ULK2: variants seen among roughly 807,000 people sequenced by gnomAD.
The protein encoded by ULK2 is serine/threonine-protein kinase ULK2.
In ULK2, 76 loss-of-function variants were observed where a neutral mutation model predicts 127.5. That is an observed-to-expected ratio of 0.60 (90% CI 0.50 to 0.72). The LOEUF (loss-of-function observed/expected upper bound fraction) is 0.72. Ranked by LOEUF, ULK2 falls within the 30% of genes least tolerant of loss-of-function variation. The pLI is 0.00. For synonymous variants in ULK2, 452 were observed against 461.9 expected, an observed-to-expected ratio of 0.98 and a Z score of 0.28; for missense variants, 1,144 against 1,295.9, an observed-to-expected ratio of 0.88 and a Z score of 1.80.
At chr17:19,793,489 T>C (rs1567680707) in intron 20 of ULK2, among the ~76,000 whole-genome samples, 1 of 152,184 alleles carries the variant, frequency 6.6e-6, no homozygotes, top group Non-Finnish European at 1.5e-5. Flanking sequence ...ACATCATCCA[T>C]ATGAATTAAG....
intron 20 of ULK2, among the ~76,000 whole-genome samples, chr17:19,787,413 C>A (rs566188002): frequency 6.6e-6 from 1 of 150,720 alleles, no homozygotes; most frequent in South Asian, 2.1e-4. Flanking sequence ...CGGCCTTCCA[C>A]AGTGTTGGGA....
At chr17:19,818,119 G>A (rs977751284) in intron 12 of ULK2, among the ~76,000 whole-genome samples, 13 of 152,048 alleles carry the variant, frequency 8.5e-5, no homozygotes, top group African/African-American at 2.9e-4. Context: ...TCAGGAGATC[G>A]AGACCATCCT....
intron 13 of ULK2, among the ~76,000 whole-genome samples, chr17:19,813,959 G>A (rs905039643): frequency 2.6e-5 from 4 of 152,066 alleles, no homozygotes; most frequent in Non-Finnish European, 5.9e-5. Flanking sequence ...TAAACTATAT[G>A]TGGGGGGAAA....
intron 3 of ULK2, among the ~76,000 whole-genome samples, chr17:19,857,179 C>A (rs1018078079): frequency 6.6e-6 from 1 of 151,090 alleles, no homozygotes; most frequent in Admixed American, 6.6e-5. Context: ...GGTGGCGGGG[C>A]GCCTGTAATC....
intron 20 of ULK2, among the ~76,000 whole-genome samples, chr17:19,789,265 AC>A (rs2152383612): frequency 6.7e-6 from 1 of 149,772 alleles, no homozygotes; most frequent in East Asian, 2.0e-4. Flanking sequence ...TTAGTTGTTC[AC>A]CTTTTGATAA....
chr17:19,849,678 A>C, intron 4 of ULK2, 64 bp downstream of exon 4: 1 of 1,122,944 alleles, frequency 8.9e-7, no homozygotes, highest in Non-Finnish European at 1.3e-6. Flanking sequence ...GATTTATGCT[A>C]GAATCTAAAA....
chr17:19,784,049 G>T (rs1169374288), intron 21 of ULK2, 144 bp from the exon 22 acceptor site: 5 of 549,362 alleles, frequency 9.1e-6, no homozygotes, highest in Non-Finnish European at 1.4e-5. Context: ...TGTACTATTT[G>T]AGGATATTAA....
In ULK2 at chr17:19,773,220, T is replaced by A. The variant is rs1039138048; in HGVS notation, c.*3129A>T. 1.3e-5 allele frequency: 2 copies of A among 152,226 alleles called. No homozygotes were observed. The highest frequency in any genetic ancestry group is 2.9e-5 in the Non-Finnish European group (2 of 68,060). 9.4% of individuals were successfully genotyped at this position (152,226 alleles called of 1,614,324 possible). On this transcript the variant is annotated 3_prime_UTR_variant, in exon 27 of 27. Transcript: ENST00000395544. ...TGAACCTGGGAGGCAGAGGTTGCAGTGAGCCAAGATTGCGCCAATGCACTC... is the reference window on the plus strand; with the variant it reads ...TGAACCTGGGAGGCAGAGGTTGCAGAGAGCCAAGATTGCGCCAATGCACTC...
intron 23 of ULK2, among the ~76,000 whole-genome samples, chr17:19,781,587 G>A (rs1179584295): frequency 7.2e-5 from 11 of 152,098 alleles, no homozygotes; most frequent in Admixed American, 2.0e-4. Flanking sequence ...AAACTCTCAA[G>A]GGACAAGGCA....
chr17:19,826,572 T>C (rs1215597777), intron 10 of ULK2, among the ~76,000 whole-genome samples: 2 of 152,188 alleles, frequency 1.3e-5, no homozygotes, highest in Non-Finnish European at 2.9e-5. Context: ...CAGCTGTTAA[T>C]TGTCCTAAGA....
chr17:19,810,700 T>C (rs1021005598), intron 13 of ULK2, among the ~76,000 whole-genome samples: 24 of 152,204 alleles, frequency 1.6e-4, no homozygotes, highest in African/African-American at 5.1e-4. Flanking sequence ...TATTGCAGTG[T>C]TTACATATTT....
At chr17:19,832,375 C>T (rs529583345) in intron 10 of ULK2, among the ~76,000 whole-genome samples, 2 of 152,002 alleles carry the variant, frequency 1.3e-5, no homozygotes, top group South Asian at 4.2e-4. Context: ...TCAAGCAATC[C>T]TCCCAGCTCA....
At chr17:19,782,567 T>C (rs560887380) in intron 22 of ULK2, among the ~76,000 whole-genome samples, 1 of 152,258 alleles carries the variant, frequency 6.6e-6, no homozygotes, top group South Asian at 2.1e-4. Flanking sequence ...TTTCAGTTAG[T>C]TAAAGAGGGG....
chr17:19,777,766 A>G (rs2086839466), intron 25 of ULK2, 50 bp from the exon 26 acceptor site: 2 of 1,571,864 alleles, frequency 1.3e-6, no homozygotes, highest in African/African-American at 2.7e-5. Context: ...CCAAGAAAAT[A>G]CAAATCCATT....
intron 14 of ULK2, among the ~76,000 whole-genome samples, chr17:19,807,677 C>T (rs182183768): frequency 5.9e-4 from 89 of 152,120 alleles, no homozygotes; most frequent in African/African-American, 1.9e-3. Flanking sequence ...GGCAGCACAT[C>T]AAAAGAAGTG....
At chr17:19,820,294 G>A (rs780961244) in intron 12 of ULK2, among the ~76,000 whole-genome samples, 5 of 152,124 alleles carry the variant, frequency 3.3e-5, no homozygotes, top group African/African-American at 7.2e-5. Flanking sequence ...TGATCCACCC[G>A]CCTAGGCCTC....
At chr17:19,801,453 C>T (rs540191231) in intron 16 of ULK2, among the ~76,000 whole-genome samples, 5 of 152,220 alleles carry the variant, frequency 3.3e-5, no homozygotes, top group South Asian at 2.1e-4. Context: ...TGGTGGCATG[C>T]GCCTGTAGTT....
intron 14 of ULK2, among the ~76,000 whole-genome samples, chr17:19,809,582 A>C (rs2087584981): frequency 6.6e-6 from 1 of 151,822 alleles, no homozygotes; most frequent in Non-Finnish European, 1.5e-5. Context: ...AGATACAAAA[A>C]ATTAGCTGGG....
At chr17:19,859,241 C>T (rs2042193320) in intron 3 of ULK2, among the ~76,000 whole-genome samples, 1 of 150,940 alleles carries the variant, frequency 6.6e-6, no homozygotes, top group Non-Finnish European at 1.5e-5. Context: ...AGGCTGAGTG[C>T]GGTGGCTCAG....
Sources: gnomAD v4.1 joint callset for allele counts (sites outside exome capture counted in the v4.1 genomes callset) on GRCh38, gnomAD v4.1.1 for gene constraint, MANE v1.5 for transcripts, NCBI Gene and HGNC (gene_info 2026-07-23, HGNC 2026-07-21) for gene names.